The following ZNF365 variants were observed in gnomAD, a reference collection of about 807,000 sequenced individuals.
The protein encoded by ZNF365 is protein ZNF365.
Under a neutral mutation model 35.0 loss-of-function variants are expected in ZNF365, and 22 were observed. The ratio of observed to expected loss-of-function variants is 0.63; its 90% confidence interval spans 0.45 to 0.90. The LOEUF (loss-of-function observed/expected upper bound fraction) is 0.90, where lower values mean the gene tolerates loss of function less well. Ranked by LOEUF, ZNF365 falls within the 40% of genes least tolerant of loss-of-function variation. The pLI, the probability that ZNF365 is intolerant of heterozygous loss-of-function variation, is 0.00. For missense variants in ZNF365, 448 were observed against 500.3 expected, an observed-to-expected ratio of 0.90 and a Z score of 1.00; for synonymous variants, 188 against 196.2, an observed-to-expected ratio of 0.96 and a Z score of 0.35.
intron 4 of ZNF365, among the ~76,000 whole-genome samples, chr10:62,466,769 A>G (rs556250978): frequency 6.6e-6 from 1 of 152,102 alleles, no homozygotes; most frequent in South Asian, 2.1e-4. Flanking sequence ...AGGTTACTTG[A>G]AATGCTAACC....
chr10:62,431,562 G>A (rs1840335202), intron 3 of ZNF365, among the ~76,000 whole-genome samples: 1 of 152,032 alleles, frequency 6.6e-6, no homozygotes, highest in South Asian at 2.1e-4. Context: ...TCCTACTGAT[G>A]GGTCTACCCT....
Position 62,388,589 on chromosome 10 carries a change from G to A in ZNF365, c.924+13G>A, listed in dbSNP as rs760887858. 5.6e-6 allele frequency: 9 copies of A among 1,612,672 alleles called. No homozygotes were observed. In the East Asian group the frequency reaches 6.7e-5, roughly 12 times the overall value. Reference sequence around the variant, plus strand: ...CAGCGGGCACGTGGTGAGTCACCCCGGGCCAGCCACCGAGTGTAAGATCCC... The same window carrying A: ...CAGCGGGCACGTGGTGAGTCACCCCAGGCCAGCCACCGAGTGTAAGATCCC... On this transcript the variant is annotated intron_variant, in intron 3 of 4. Coordinates refer to ENST00000395254, the MANE Select transcript of ZNF365 (RefSeq NM_014951.3).
At chr10:62,468,862 T>C (rs564912583) in intron 4 of ZNF365, among the ~76,000 whole-genome samples, 1 of 152,312 alleles carries the variant, frequency 6.6e-6, no homozygotes, top group Non-Finnish European at 1.5e-5. Flanking sequence ...ACTTAATGGG[T>C]GCCAAAACCA....
chr10:62,447,355 T>C (rs1289356960), intron 3 of ZNF365, among the ~76,000 whole-genome samples: 3 of 152,154 alleles, frequency 2.0e-5, no homozygotes, highest in Non-Finnish European at 4.4e-5. Flanking sequence ...AGGAGTGAGA[T>C]GCTAAGTGAC....
intron 2 of ZNF365, among the ~76,000 whole-genome samples, chr10:62,383,586 C>T (rs577165621): frequency 5.3e-5 from 8 of 152,318 alleles, no homozygotes; most frequent in South Asian, 4.1e-4. Context: ...ATAGGATCAA[C>T]GTGTTGTCAC....
Position 62,400,744 on chromosome 10 carries a change from T to C in ZNF365, c.*955T>C. 2.0e-6 allele frequency: 2 copies of C among 985,696 alleles called. No homozygotes were observed. The highest frequency in any genetic ancestry group is 5.2e-4 in the Middle Eastern group (1 of 1,914). 61.1% of individuals were successfully genotyped at this position (985,696 alleles called of 1,614,324 possible). On this transcript the variant is annotated 3_prime_UTR_variant, in exon 5 of 5. Coordinates refer to ENST00000395254, the MANE Select transcript of ZNF365 (RefSeq NM_014951.3). ...TCAGTGGCCCTCTCTCTCTCTGCTA[T>C]GGGCATGACTTTCTCTTCGCTGGCT...
chr10:62,406,738 C>G (rs1839910395), downstream of ZNF365, among the ~76,000 whole-genome samples: 1 of 152,194 alleles, frequency 6.6e-6, no homozygotes, highest in African/African-American at 2.4e-5. Context: ...AAGCATAGGA[C>G]AAGTGAACCC....
At chr10:62,433,988 A>G (rs1484113212) in intron 3 of ZNF365, among the ~76,000 whole-genome samples, 1 of 152,142 alleles carries the variant, frequency 6.6e-6, no homozygotes, top group Non-Finnish European at 1.5e-5. Context: ...GGGCTTTCTC[A>G]GACTTAGTTT....
At chr10:62,452,739 G>A (rs1326661413) in intron 3 of ZNF365, among the ~76,000 whole-genome samples, 2 of 152,244 alleles carry the variant, frequency 1.3e-5, no homozygotes, top group East Asian at 1.9e-4. Flanking sequence ...CTAACTCTAG[G>A]AATAAGTTTT....
rs150122552 is a variant in ZNF365 at position 62,454,237 on chromosome 10, T to C, written c.925-5504T>C. 7.5e-4 allele frequency among the ~76,000 whole-genome samples: 115 copies of C among 152,330 alleles called. 1 individual carries two copies. Among genetic ancestry groups the C allele is most frequent in the Admixed American group, 2.6e-3 (40 of 15,292 alleles). The stretch of plus-strand genomic sequence containing the variant: ...AAGTCATGTATTACTTCTTATTAAA[T>C]ACAAATCATTGGTTAACAAAAGTCT... On this transcript the variant is annotated intron_variant, in intron 3 of 4. Coordinates refer to the ZNF365 transcript ENST00000395255.
chr10:62,404,907 A>G (rs948512167), downstream of ZNF365, among the ~76,000 whole-genome samples: 1 of 152,226 alleles, frequency 6.6e-6, no homozygotes, highest in East Asian at 1.9e-4. Flanking sequence ...GTAAAGTTAC[A>G]AAGATAACAC....
downstream of ZNF365, among the ~76,000 whole-genome samples, chr10:62,402,812 G>A (rs1284924759): frequency 6.6e-6 from 1 of 152,136 alleles, no homozygotes; most frequent in East Asian, 1.9e-4. Context: ...GCCTGTATAT[G>A]CTATACATCC....
At chr10:62,392,593 G>C (rs1839648988) in intron 3 of ZNF365, among the ~76,000 whole-genome samples, 1 of 145,592 alleles carries the variant, frequency 6.9e-6, no homozygotes, top group African/African-American at 2.5e-5. Flanking sequence ...TGTTCCATTG[G>C]TCTATGTGCC....
At position 62,426,872 on chromosome 10, in the gene ZNF365, C is replaced by A. The variant is rs148832906; in HGVS notation, c.925-32869C>A. The stretch of plus-strand genomic sequence containing the variant: ...AGTTTACACATCAAAGGTGAGCAAC[C>A]CACTGAGAGCACTTTGCCAACTCTA... On this transcript the variant is annotated intron_variant, in intron 3 of 4. Transcript: ENST00000395255. Among the ~76,000 whole-genome samples the A allele has an allele frequency of 3.3e-5, 5 of 152,162 alleles. No individual in the cohort carries two copies. In the East Asian group the frequency reaches 9.7e-4, roughly 29 times the overall value.
intron 3 of ZNF365, among the ~76,000 whole-genome samples, chr10:62,430,822 G>A (rs183883538): frequency 2.0e-5 from 3 of 152,238 alleles, no homozygotes; most frequent in Admixed American, 2.0e-4. Flanking sequence ...TCTTTCTGCT[G>A]AACACCAAAC....
At chr10:62,465,120 C>T (rs960160537) in intron 4 of ZNF365, among the ~76,000 whole-genome samples, 1 of 152,228 alleles carries the variant, frequency 6.6e-6, no homozygotes, top group African/African-American at 2.4e-5. Flanking sequence ...GAAGTGCCTG[C>T]TCCTGTTCCC....
intron 3 of ZNF365, among the ~76,000 whole-genome samples, chr10:62,397,349 G>A (rs1180439880): frequency 6.6e-6 from 1 of 152,110 alleles, no homozygotes; most frequent in African/African-American, 2.4e-5. Context: ...GTTAGGCTGA[G>A]CTTGGGTTTT....
At chr10:62,380,361 G>A (rs1381928582) in intron 2 of ZNF365, among the ~76,000 whole-genome samples, 1 of 152,106 alleles carries the variant, frequency 6.6e-6, no homozygotes, top group African/African-American at 2.4e-5. Flanking sequence ...TTTTCCTTAT[G>A]ATTATCTTAA....
At chr10:62,395,134 G>T (rs1212532066) in intron 3 of ZNF365, among the ~76,000 whole-genome samples, 1 of 152,124 alleles carries the variant, frequency 6.6e-6, no homozygotes, top group Non-Finnish European at 1.5e-5. Context: ...TCTTCACTAA[G>T]CTGGGCCAAA....
Sources: allele counts gnomAD v4.1 joint callset (sites outside exome capture counted in the v4.1 genomes callset), GRCh38; gene constraint gnomAD v4.1.1; transcripts MANE v1.5; gene names NCBI Gene and HGNC (gene_info 2026-07-23, HGNC 2026-07-21).